PARD6G: variants seen among roughly 807,000 people sequenced by gnomAD.
PARD6G encodes the protein partitioning defective 6 homolog gamma.
A neutral mutation model predicts 10.7 loss-of-function variants in PARD6G; 7 were observed. The observed-to-expected ratio is 0.66, with a 90% confidence interval of 0.37 to 1.23. PARD6G has a LOEUF of 1.23. PARD6G is among the 50% of genes most tolerant of loss of function. PARD6G has a pLI of 0.02. For synonymous variants in PARD6G, 287 were observed against 269.4 expected, an observed-to-expected ratio of 1.07 and a Z score of -0.64; for missense variants, 548 against 571.8, an observed-to-expected ratio of 0.96 and a Z score of 0.42.
chr18:80,224,668 A>G (rs948101007), intron 1 of PARD6G, among the ~76,000 whole-genome samples: 2 of 152,194 alleles, frequency 1.3e-5, no homozygotes, highest in Non-Finnish European at 2.9e-5. Flanking sequence ...TAACACGGTG[A>G]AACCCCATCT....
chr18:80,226,321 C>A (rs1599873457), intron 1 of PARD6G, among the ~76,000 whole-genome samples: 1 of 151,874 alleles, frequency 6.6e-6, no homozygotes, highest in Non-Finnish European at 1.5e-5. Flanking sequence ...CAGGCATGTA[C>A]CACCACGCCC....
chr18:80,235,735 A>C (rs1967414359), intron 1 of PARD6G, among the ~76,000 whole-genome samples: 1 of 152,222 alleles, frequency 6.6e-6, no homozygotes, highest in Admixed American at 6.5e-5. Context: ...ACCTCTACAC[A>C]AACTAGAAAA....
At chr18:80,168,956 TA>T (rs2052755588) in intron 2 of PARD6G, 1 of 169,214 alleles carries the variant, frequency 5.9e-6, no homozygotes, top group Non-Finnish European at 1.5e-5. Context: ...CCTGATTTAT[TA>T]AAACTATCCT....
chr18:80,180,542 G>C lies in PARD6G; in HGVS notation c.296-19936C>G, dbSNP rs1230242271. On this transcript the variant is annotated intron_variant, in intron 2 of 2. Coordinates refer to ENST00000353265, the MANE Select transcript of PARD6G (RefSeq NM_032510.4). The surrounding 1 kb of genome is among the most constrained non-coding windows in gnomAD (Gnocchi z 5.6). ...GTCAGGGGTCCTTGCTCTCTGCCGG[G>C]CACACTGCGGCCTCTGGGTGTTTTC... Among the ~76,000 whole-genome samples the C allele has an allele frequency of 6.6e-6, 1 of 152,122 alleles. No individual in the cohort carries two copies. The highest frequency in any genetic ancestry group is 1.5e-5 in the Non-Finnish European group (1 of 67,996).
chr18:80,190,781 G>T (rs1966890835), intron 2 of PARD6G, among the ~76,000 whole-genome samples: 1 of 152,172 alleles, frequency 6.6e-6, no homozygotes, highest in Non-Finnish European at 1.5e-5. Flanking sequence ...TGACTCCTCT[G>T]TGAGGCCCTG....
chr18:80,168,799 C>A (rs1312106827), intron 2 of PARD6G: 1 of 168,626 alleles, frequency 5.9e-6, no homozygotes, highest in Non-Finnish European at 1.5e-5. Context: ...ATATTTTCTT[C>A]TTCCATTTCT....
intron 2 of PARD6G, among the ~76,000 whole-genome samples, chr18:80,167,821 G>A (rs1015331997): frequency 6.6e-6 from 1 of 152,246 alleles, no homozygotes; most frequent in South Asian, 2.1e-4. Context: ...CCCTGGGCCT[G>A]GGGTGCAGCT....
At position 80,161,492 on chromosome 18, in the gene PARD6G, A is replaced by G. The variant is rs1330660958; in HGVS notation, c.296-886T>C. ...AATCAAGCAGAAACGTAAGGAGCTT[A>G]GTCTAAAGTAAAAATTTTAAGTGAA... On this transcript the variant is annotated intron_variant, in intron 2 of 2. Coordinates refer to ENST00000353265, the MANE Select transcript of PARD6G (RefSeq NM_032510.4). The surrounding 1 kb of genome is among the most constrained non-coding windows in gnomAD (Gnocchi z 4.6). Among the ~76,000 whole-genome samples, 1 of 152,212 alleles carries G rather than the reference A, an allele frequency of 6.6e-6. No individual in the cohort carries two copies. Among genetic ancestry groups the G allele is most frequent in the Non-Finnish European group, 1.5e-5 (1 of 68,044 alleles).
In PARD6G at chr18:80,183,778, T is replaced by C. The variant is rs1257451655; in HGVS notation, c.295+18932A>G. 6.6e-6 allele frequency: 1 copy of C among 152,118 alleles called. No individual in the cohort carries two copies. The highest frequency in any genetic ancestry group is 2.4e-5 in the African/African-American group (1 of 41,402). 9.4% of individuals were successfully genotyped at this position (152,118 alleles called of 1,614,324 possible). A position where few individuals can be genotyped will look rare whatever the true frequency, so the allele number is the denominator to read the frequency against. On this transcript the variant is annotated intron_variant, in intron 2 of 2. Transcript: ENST00000353265. This position sits in a 1 kb window ranked among gnomAD's most constrained non-coding sequence, Gnocchi z 4.5. ...ACTTTTAAATAAAAACAGTGGAAAA[T>C]ACAATAAATAAGTCCTCTAAATAAA...
chr18:80,183,288 G>T lies in PARD6G; in HGVS notation c.295+19422C>A. ...AGCCGCATACAGGCATAGTGGAAAAGTACGCTGACCTTCTCAGTGGCTCTA... is the reference window on the plus strand; with the variant it reads ...AGCCGCATACAGGCATAGTGGAAAATTACGCTGACCTTCTCAGTGGCTCTA... On this transcript the variant is annotated intron_variant, in intron 2 of 2. Transcript: ENST00000353265. The surrounding 1 kb of genome is among the most constrained non-coding windows in gnomAD (Gnocchi z 4.5). 1.5e-6 allele frequency: 1 copy of T among 657,206 alleles called. No individual in the cohort carries two copies. Among genetic ancestry groups the T allele is most frequent in the Non-Finnish European group, 2.8e-6 (1 of 361,392 alleles). The allele number at this position is 657,206 out of a possible 1,614,324, so 40.7% of individuals were successfully genotyped here.
intron 2 of PARD6G, among the ~76,000 whole-genome samples, chr18:80,167,517 C>T (rs2052744773): frequency 6.6e-6 from 1 of 152,108 alleles, no homozygotes; most frequent in Admixed American, 6.5e-5. Flanking sequence ...TGTGTAACCC[C>T]CATGACAGGC....
intron 2 of PARD6G, chr18:80,169,670 C>T (rs1196171795): frequency 1.3e-5 from 2 of 152,218 alleles, no homozygotes; most frequent in African/African-American, 4.8e-5. Context: ...ACTTCATTAC[C>T]TAAAGTGAGA....
chr18:80,234,981 T>C (rs1967403220), intron 1 of PARD6G, among the ~76,000 whole-genome samples: 1 of 151,982 alleles, frequency 6.6e-6, no homozygotes, highest in African/African-American at 2.4e-5. Flanking sequence ...TATCCAGGAA[T>C]TGAACTCAGC....
At chr18:80,230,123 C>T (rs936764568) in intron 1 of PARD6G, among the ~76,000 whole-genome samples, 1 of 152,220 alleles carries the variant, frequency 6.6e-6, no homozygotes, top group African/African-American at 2.4e-5. Context: ...CTTAGACTGT[C>T]AGAGCCCCTG....
At chr18:80,204,264 G>T (rs1278800382) in intron 1 of PARD6G, among the ~76,000 whole-genome samples, 2 of 152,176 alleles carry the variant, frequency 1.3e-5, no homozygotes, top group Non-Finnish European at 2.9e-5. Flanking sequence ...TCTAGACATT[G>T]TATGAATGAG....
In PARD6G at chr18:80,201,514, A is replaced by C. The variant is rs191091676; in HGVS notation, c.295+1196T>G. ...CCCCAGGCCACTGTGAGGAAGTGAC[A>C]GCTGTGTTGACTTCTCAGCACCGTC... On this transcript the variant is annotated intron_variant, in intron 2 of 2. Transcript: ENST00000353265. The surrounding 1 kb of genome is among the most constrained non-coding windows in gnomAD (Gnocchi z 5.9). Among the ~76,000 whole-genome samples, 50 of 152,320 alleles carry C rather than the reference A, an allele frequency of 3.3e-4. No individual in the cohort carries two copies. The highest frequency in any genetic ancestry group is 1.2e-3 in the African/African-American group (49 of 41,584).
intron 1 of PARD6G, among the ~76,000 whole-genome samples, chr18:80,244,895 C>G (rs780432843): frequency 6.6e-6 from 1 of 152,100 alleles, no homozygotes; most frequent in African/African-American, 2.4e-5. Context: ...AAGCTGTGCA[C>G]AGAAGGAAGA....
chr18:80,160,798 C>G (rs1257525396), intron 2 of PARD6G, among the ~76,000 whole-genome samples, 192 bp from the exon 3 acceptor site: 1 of 152,208 alleles, frequency 6.6e-6, no homozygotes, highest in Non-Finnish European at 1.5e-5. Context: ...AACTCTCTAG[C>G]ACTCTCCTTA....
chr18:80,165,741 A>C (rs981818315), intron 2 of PARD6G, among the ~76,000 whole-genome samples: 2 of 152,018 alleles, frequency 1.3e-5, no homozygotes, highest in Non-Finnish European at 2.9e-5. Flanking sequence ...GTTTTGAAAA[A>C]ACATGGTGTT....
Sources: gnomAD v4.1 joint callset for allele counts (sites outside exome capture counted in the v4.1 genomes callset) on GRCh38, gnomAD v4.1.1 for gene constraint, Gnocchi (gnomAD v3.1) non-coding constraint, MANE v1.5 for transcripts, NCBI Gene and HGNC (gene_info 2026-07-23, HGNC 2026-07-21) for gene names.